The following CMBL variants were observed in gnomAD, a reference collection of about 807,000 sequenced individuals.
CMBL encodes the protein carboxymethylenebutenolidase homolog, also known as carboxymethylenebutenolidase homolog (Pseudomonas).
In CMBL, 17 loss-of-function variants were observed where a neutral mutation model predicts 28.7. That is an observed-to-expected ratio of 0.59 (90% confidence interval 0.41 to 0.89). The LOEUF is 0.89. CMBL is among the 40% of genes least tolerant of loss of function. The pLI, the probability that CMBL is intolerant of heterozygous loss-of-function variation, is 0.00. For missense variants in CMBL, 310 were observed against 298.5 expected, an observed-to-expected ratio of 1.04 and a Z score of -0.28; for synonymous variants, 106 against 101.6, an observed-to-expected ratio of 1.04 and a Z score of -0.26.
intron 3 of CMBL, 107 bp from the exon 4 acceptor site, chr5:10,286,603 C>T: frequency 9.7e-7 from 1 of 1,032,014 alleles, no homozygotes. Context: ...TTTGAAGTTG[C>T]CAAGGTTTCT....
intron 1 of CMBL, among the ~76,000 whole-genome samples, chr5:10,297,494 G>A (rs978804808): frequency 1.3e-5 from 2 of 151,278 alleles, no homozygotes; most frequent in Admixed American, 6.6e-5. Context: ...CGCTTGAACC[G>A]GGAAGCAGAG....
intron 2 of CMBL, among the ~76,000 whole-genome samples, chr5:10,288,996 G>C (rs6870935): frequency 0.76 from 115,911 of 152,156 alleles, 45,421 homozygotes; most frequent in Non-Finnish European, 0.81. Flanking sequence ...CACCAAGACG[G>C]CGACGAAGCA....
chr5:10,280,271 A>G lies in CMBL; in HGVS notation c.*182T>C. The G allele has an allele frequency of 2.0e-6, 1 of 504,756 alleles. No homozygotes were observed. Among genetic ancestry groups the G allele is most frequent in the Non-Finnish European group, 3.5e-6 (1 of 287,754 alleles). The allele number at this position is 504,756 out of a possible 1,614,324, so 31.3% of individuals were successfully genotyped here. ...GTTTTTAAATTATGATTCGATGTAC[A>G]TGTCAAAAATTAAATTATTTCATGC... On this transcript the variant is annotated 3_prime_UTR_variant, in exon 6 of 6. Transcript: ENST00000296658.
chr5:10,290,866 T>A, intron 1 of CMBL, 85 bp from the exon 2 acceptor site: 1 of 1,039,682 alleles, frequency 9.6e-7, no homozygotes, highest in Admixed American at 2.5e-5. Context: ...ATCAAGATTA[T>A]AGAAAAAAAT....
intron 2 of CMBL, 162 bp downstream of exon 2, chr5:10,290,386 A>T: frequency 1.5e-6 from 1 of 647,592 alleles, no homozygotes; most frequent in Non-Finnish European, 2.7e-6. Flanking sequence ...TTAATTTCCC[A>T]AGACATTTCC....
intron 3 of CMBL, among the ~76,000 whole-genome samples, chr5:10,287,662 C>T (rs115603972): frequency 0.022 from 3,298 of 152,102 alleles, 117 homozygotes; most frequent in African/African-American, 0.073. Context: ...CAGTGGCTCA[C>T]GCCTATAGTG....
intron 1 of CMBL, among the ~76,000 whole-genome samples, chr5:10,303,942 C>A (rs1746954095): frequency 6.6e-6 from 1 of 152,192 alleles, no homozygotes; most frequent in Non-Finnish European, 1.5e-5. Flanking sequence ...GTGTCCTCTG[C>A]TTCAGCTTTT....
intron 4 of CMBL, among the ~76,000 whole-genome samples, chr5:10,285,008 T>TTTTTTTTTA (rs1561061676): frequency 6.6e-6 from 1 of 151,672 alleles, no homozygotes; most frequent in African/African-American, 2.4e-5. Context: ...TTTTTTTTAT[T>TTTTTTTTTA]TTTTATTTTA....
rs80250066 is a variant in CMBL, at chr5:10,303,074, C to T, written c.-20+4551G>A. ...CCCAAACCTCTTATCTTAACCCAGACCCTCCTTTCTATTGATTCCAGGTCT... is the reference window on the plus strand; with the variant it reads ...CCCAAACCTCTTATCTTAACCCAGATCCTCCTTTCTATTGATTCCAGGTCT... On this transcript the variant is annotated intron_variant, in intron 1 of 5. Coordinates refer to ENST00000296658, the MANE Select transcript of CMBL (RefSeq NM_138809.4). Among the ~76,000 whole-genome samples the T allele has an allele frequency of 6.3e-3, 954 of 152,206 alleles. 5 individuals are homozygous for T. The highest frequency in any genetic ancestry group is 0.011 in the Admixed American group (175 of 15,292).
rs1416423106 is a variant in CMBL, at chr5:10,288,432, T to G, written c.313A>C (p.Lys105Gln). ...CTGCGGATAACTCACCTATCGATCT[T>G]CTGGGCATTTCTTGTTTTCAGCCAC... Reference protein sequence around the residue: ...PEWLKTRNAQKIDREISAILK... With the variant: ...PEWLKTRNAQQIDREISAILK... The change falls in exon 3 of 6, where the codon AAG (lysine) becomes CAG (glutamine). Residue 105 changes from lysine to glutamine, a missense_variant. Coordinates refer to ENST00000296658, the MANE Select transcript of CMBL (RefSeq NM_138809.4). 1 of 1,613,330 alleles carries G rather than the reference T, an allele frequency of 6.2e-7. No individual in the cohort carries two copies. Among genetic ancestry groups the G allele is most frequent in the South Asian group, 1.1e-5 (1 of 91,074 alleles).
chr5:10,293,839 T>C (rs1746766024), intron 1 of CMBL, among the ~76,000 whole-genome samples: 1 of 152,192 alleles, frequency 6.6e-6, no homozygotes, highest in Non-Finnish European at 1.5e-5. Context: ...AGGAAGCACA[T>C]TCTAGTGGGA....
In CMBL at chr5:10,278,282, A is replaced by G. The variant is rs984563646; in HGVS notation, c.*2171T>C. Among the ~76,000 whole-genome samples the G allele has an allele frequency of 3.9e-5, 6 of 152,070 alleles. No individual in the cohort carries two copies. The highest frequency in any genetic ancestry group is 3.9e-4 in the Admixed American group (6 of 15,260). On this transcript the variant is annotated 3_prime_UTR_variant, in exon 6 of 6. Coordinates refer to ENST00000296658, the MANE Select transcript of CMBL (RefSeq NM_138809.4). ...TAGTAACACAGTTTCCAGTTATACA[A>G]CTTCTCACTGTTCCCCAAGGTGGTC...
In CMBL at chr5:10,286,415, T is replaced by C. The variant is rs770272540; in HGVS notation, c.405A>G (p.Gly135=). Residue 135 remains glycine, a synonymous_variant, in exon 4 of 6, where the codon GGA becomes GGG. Transcript: ENST00000296658. ...TCATCATCAAATGATGGACAGCAGT[T>C]CCACCCCAGCAGAATCCCACGATGC... is the stretch of plus-strand genomic sequence containing the variant. The part of the protein sequence containing the change: ...KIGIVGFCWG[G]TAVHHLMMKY... The C allele has an allele frequency of 2.5e-6, 4 of 1,614,102 alleles. No individual in the cohort carries two copies. Among genetic ancestry groups the C allele is most frequent in the Middle Eastern group, 3.3e-4 (2 of 6,062 alleles).
chr5:10,295,840 G>T (rs1409196764), intron 1 of CMBL, among the ~76,000 whole-genome samples: 1 of 152,212 alleles, frequency 6.6e-6, no homozygotes, highest in Non-Finnish European at 1.5e-5. Flanking sequence ...TCTCATTTGA[G>T]CTCTCACAGT....
intron 4 of CMBL, among the ~76,000 whole-genome samples, chr5:10,283,125 A>G (rs1349976990): frequency 6.6e-6 from 1 of 151,350 alleles, no homozygotes; most frequent in Non-Finnish European, 1.5e-5. Flanking sequence ...ATAAGAGTAC[A>G]AGAGAAATTT....
At chr5:10,298,968 G>A (rs1202756663) in intron 1 of CMBL, among the ~76,000 whole-genome samples, 1 of 152,194 alleles carries the variant, frequency 6.6e-6, no homozygotes. Context: ...GCTGATGGTG[G>A]TGCAGCTGGA....
At position 10,290,581 on chromosome 5, in the gene CMBL, T is replaced by C; in HGVS notation, c.182A>G (p.Tyr61Cys). ...IFGWQLPNTR[Y>C]IADMISGNGY... Reference sequence around the variant, plus strand: ...ATTTCCTGAGATCATGTCAGCTATATATCTGGTATTGGGCAACTGCCAGCC... The same window carrying C: ...ATTTCCTGAGATCATGTCAGCTATACATCTGGTATTGGGCAACTGCCAGCC... Residue 61 changes from tyrosine (Y) to cysteine (C), a missense_variant, in exon 2 of 6, where the codon TAT (tyrosine) becomes TGT (cysteine). Coordinates refer to ENST00000296658, the MANE Select transcript of CMBL (RefSeq NM_138809.4). 1.2e-6 allele frequency: 2 copies of C among 1,614,140 alleles called. No homozygotes were observed. Among genetic ancestry groups the C allele is most frequent in the South Asian group, 1.1e-5 (1 of 91,080 alleles).
At chr5:10,300,212 G>A (rs565993758) in intron 1 of CMBL, among the ~76,000 whole-genome samples, 4 of 152,226 alleles carry the variant, frequency 2.6e-5, no homozygotes, top group Non-Finnish European at 4.4e-5. Context: ...AGAGAAGGCC[G>A]TGTGAAGATG....
At chr5:10,293,042 C>CA (rs1170253771) in intron 1 of CMBL, among the ~76,000 whole-genome samples, 1 of 152,010 alleles carries the variant, frequency 6.6e-6, no homozygotes, top group Non-Finnish European at 1.5e-5. Context: ...TAATAAAACT[C>CA]AAAAGATTTA....
Sources: gnomAD v4.1 joint callset for allele counts (sites outside exome capture counted in the v4.1 genomes callset) on GRCh38, gnomAD v4.1.1 for gene constraint, MANE v1.5 for transcripts, NCBI Gene and HGNC (gene_info 2026-07-23, HGNC 2026-07-21) for gene names.